APTX: variants seen among roughly 807,000 people sequenced by gnomAD.
APTX encodes forkhead-associated domain histidine triad-like protein.
Under a neutral mutation model 42.3 loss-of-function variants are expected in APTX, and 33 were observed. The ratio of observed to expected loss-of-function variants is 0.78; its 90% CI spans 0.59 to 1.04. The LOEUF is 1.04. Among genes scored for constraint, APTX ranks in the 50% least tolerant of loss-of-function variants. The pLI is 0.00. For synonymous variants in APTX, 130 were observed against 146.7 expected (o/e 0.89, Z 0.82); for missense variants, 421 against 415.1 (o/e 1.01, Z -0.12).
chr9:32,983,716 ATAAG>A (rs1016209800), intron 6 of APTX, among the ~76,000 whole-genome samples: 3 of 152,340 alleles, frequency 2.0e-5, no homozygotes, highest in East Asian at 1.9e-4. Flanking sequence ...GTAAAGTAAA[ATAAG>A]TAAGTAAATA....
At chr9:33,019,861 C>A in intron 1 of APTX, 2 of 644,468 alleles carry the variant, frequency 3.1e-6, no homozygotes, top group East Asian at 3.1e-5. Flanking sequence ...TCCCAACCAC[C>A]CTTTGGTGGG....
intron 1 of APTX, among the ~76,000 whole-genome samples, chr9:33,022,324 AACTT>A (rs1219854930): frequency 1.3e-5 from 2 of 152,208 alleles, no homozygotes; most frequent in Non-Finnish European, 2.9e-5. Flanking sequence ...AACATGGTTA[AACTT>A]ACTAACAAAG....
chr9:33,007,214 GT>G (rs1055471059), intron 1 of APTX, among the ~76,000 whole-genome samples: 54 of 152,228 alleles, frequency 3.5e-4, no homozygotes, highest in African/African-American at 1.3e-3. Flanking sequence ...GTTGCTAGAA[GT>G]CCAGTGGAGG....
upstream of APTX, among the ~76,000 whole-genome samples, chr9:33,003,332 G>C (rs13286211): frequency 6.6e-6 from 1 of 152,164 alleles, no homozygotes; most frequent in African/African-American, 2.4e-5. Context: ...AGGCAGTGAA[G>C]ACTTTCAGGC....
intron 6 of APTX, among the ~76,000 whole-genome samples, chr9:32,979,051 C>T (rs1053206410): frequency 2.0e-5 from 3 of 151,938 alleles, no homozygotes; most frequent in African/African-American, 7.3e-5. Flanking sequence ...CTTTTTAAAA[C>T]TTTTAGGTTC....
At chr9:33,014,536 A>C (rs1208499871) in intron 1 of APTX, among the ~76,000 whole-genome samples, 1 of 134,698 alleles carries the variant, frequency 7.4e-6, no homozygotes, top group African/African-American at 2.5e-5. Flanking sequence ...GCAGCAGGAC[A>C]TCCTTAACAA....
chr9:32,991,242 TA>T (rs1833551144), intron 1 of APTX, among the ~76,000 whole-genome samples: 1 of 152,074 alleles, frequency 6.6e-6, no homozygotes, highest in Admixed American at 6.6e-5. Flanking sequence ...CTACAATTTC[TA>T]AAGTGTGAAT....
chr9:33,000,640 A>AG (rs1388277618), intron 1 of APTX, among the ~76,000 whole-genome samples: 3 of 148,532 alleles, frequency 2.0e-5, no homozygotes, highest in Non-Finnish European at 3.0e-5. Flanking sequence ...AAAAAAAAAA[A>AG]AAAAAAAGAA....
Position 32,989,903 on chromosome 9 carries a change from A to G in APTX, c.-4-8T>C. 1 of 1,612,800 alleles carries G rather than the reference A, an allele frequency of 6.2e-7. No homozygotes were observed. Among genetic ancestry groups the G allele is most frequent in the Non-Finnish European group, 8.5e-7 (1 of 1,179,534 alleles). Reference sequence around the variant, plus strand: ...CACACCCGCATCATCACTCTAAGGGACAAAACAAAAGAATCACTAGAAAAA... The same window carrying G: ...CACACCCGCATCATCACTCTAAGGGGCAAAACAAAAGAATCACTAGAAAAA... On this transcript the variant is annotated splice_polypyrimidine_tract_variant and splice_region_variant and intron_variant, in intron 1 of 7. Coordinates refer to ENST00000379817, the MANE Select transcript of APTX (RefSeq NM_001195248.2).
At chr9:32,993,059 A>G (rs140095641) in intron 1 of APTX, among the ~76,000 whole-genome samples, 141 of 152,326 alleles carry the variant, frequency 9.3e-4, no homozygotes, top group African/African-American at 3.3e-3. Flanking sequence ...CTGACTACTC[A>G]TACTGACAAT....
intron 2 of APTX, chr9:32,989,533 A>G (rs1239270412): frequency 1.5e-6 from 1 of 676,394 alleles, no homozygotes; most frequent in Non-Finnish European, 2.7e-6. Context: ...AACAGTATGA[A>G]CTTGACTGCT....
At chr9:32,984,601 G>C in intron 6 of APTX, 30 bp downstream of exon 6, 1 of 1,601,150 alleles carries the variant, frequency 6.2e-7, no homozygotes. Flanking sequence ...GACAGAACCA[G>C]GAGCCAGCAG....
chr9:32,988,164 A>C (rs533248843), intron 2 of APTX, 35 bp from the exon 3 acceptor site: 1 of 1,601,040 alleles, frequency 6.2e-7, no homozygotes, highest in Non-Finnish European at 8.6e-7. Flanking sequence ...ACACAAATGC[A>C]ACAAAGAACC....
chr9:33,000,756 A>G (rs935945092), intron 1 of APTX, among the ~76,000 whole-genome samples: 4 of 151,562 alleles, frequency 2.6e-5, no homozygotes, highest in African/African-American at 9.7e-5. Flanking sequence ...TTCCAAACCT[A>G]GATCACAGCA....
intron 1 of APTX, among the ~76,000 whole-genome samples, chr9:33,011,233 G>A (rs1054439330): frequency 2.0e-5 from 3 of 152,060 alleles, no homozygotes; most frequent in Admixed American, 6.5e-5. Context: ...AAAGTCATGT[G>A]GATATCTGGG....
intron 6 of APTX, among the ~76,000 whole-genome samples, chr9:32,981,207 A>G (rs1395634908): frequency 6.6e-6 from 1 of 152,210 alleles, no homozygotes; most frequent in African/African-American, 2.4e-5. Context: ...GAATCCTGTA[A>G]CTATTTTATG....
chr9:32,987,954 T>C, intron 3 of APTX, 108 bp from the exon 4 acceptor site: 1 of 1,521,276 alleles, frequency 6.6e-7, no homozygotes, highest in Non-Finnish European at 9.1e-7. Flanking sequence ...CCTTGCCTTA[T>C]GTTCACCTAT....
intron 1 of APTX, among the ~76,000 whole-genome samples, chr9:33,015,150 GTC>G (rs1417526793): frequency 8.6e-5 from 13 of 152,036 alleles, no homozygotes; most frequent in African/African-American, 2.9e-4. Flanking sequence ...GGGGTATATT[GTC>G]TCTGTTTGTT....
intron 2 of APTX, among the ~76,000 whole-genome samples, chr9:32,989,045 C>G (rs189831661): frequency 2.4e-4 from 37 of 152,222 alleles, no homozygotes; most frequent in African/African-American, 7.7e-4. Context: ...ACATACATGC[C>G]CCTTCAGTTG....
Sources: gnomAD v4.1 joint callset for allele counts (sites outside exome capture counted in the v4.1 genomes callset) on GRCh38, gnomAD v4.1.1 for gene constraint, MANE v1.5 for transcripts, NCBI Gene and HGNC (gene_info 2026-07-23, HGNC 2026-07-21) for gene names.